Variants in EPHA5 observed in about 807,000 individuals in gnomAD.
EPHA5 encodes EPH receptor A5.
EPHA5 carries 60 observed loss-of-function variants against 105.0 expected under a neutral mutation model. That is an observed-to-expected ratio of 0.57 (90% CI 0.46 to 0.71). The LOEUF (loss-of-function observed/expected upper bound fraction) is 0.71. Among genes scored for constraint, EPHA5 ranks in the 30% least tolerant of loss-of-function variants. The probability of loss-of-function intolerance (pLI) is 0.00; values close to 1 mark genes in which losing one functional copy is unlikely to be tolerated. For missense variants in EPHA5, 1,218 were observed against 1,274.7 expected (o/e 0.96, Z 0.68); for synonymous variants, 513 against 449.1 (o/e 1.14, Z -1.80).
intron 8 of EPHA5, among the ~76,000 whole-genome samples, chr4:65,385,478 C>A (rs72640289): frequency 0.14 from 20,821 of 151,854 alleles, 1,691 homozygotes; most frequent in East Asian, 0.31. Context: ...GATAATTGAA[C>A]ATACTCTAGA....
intron 5 of EPHA5, among the ~76,000 whole-genome samples, chr4:65,437,025 A>G (rs1370157911): frequency 6.6e-6 from 1 of 152,086 alleles, no homozygotes; most frequent in African/African-American, 2.4e-5. Context: ...TTTTATAAGT[A>G]TGCCTAAAGA....
chr4:65,645,645 T>G (rs1748053664), intron 1 of EPHA5, among the ~76,000 whole-genome samples: 1 of 151,938 alleles, frequency 6.6e-6, no homozygotes, highest in South Asian at 2.1e-4. Context: ...AATATGTATG[T>G]GTTGGACAAA....
chr4:65,519,817 C>G (rs939113767), intron 3 of EPHA5, among the ~76,000 whole-genome samples: 9 of 152,104 alleles, frequency 5.9e-5, no homozygotes, highest in African/African-American at 2.2e-4. Flanking sequence ...ATCCAACTTA[C>G]AAGTGATGTG....
chr4:65,569,570 TA>T (rs1179048059), intron 3 of EPHA5, among the ~76,000 whole-genome samples: 1 of 151,680 alleles, frequency 6.6e-6, no homozygotes, highest in Non-Finnish European at 1.5e-5. Flanking sequence ...TAAAAGACAT[TA>T]AAAGAAGATG....
chr4:65,396,237 C>T (rs1578009039), intron 8 of EPHA5, among the ~76,000 whole-genome samples: 5 of 152,314 alleles, frequency 3.3e-5, no homozygotes, highest in African/African-American at 1.2e-4. Flanking sequence ...GCTGACACAC[C>T]AACCCCCTGC....
At chr4:65,605,299 A>G (rs1314639091) in intron 2 of EPHA5, among the ~76,000 whole-genome samples, 2 of 152,124 alleles carry the variant, frequency 1.3e-5, no homozygotes, top group East Asian at 1.9e-4. Context: ...TTTCATAACC[A>G]TATGTGTATC....
intron 2 of EPHA5, among the ~76,000 whole-genome samples, chr4:65,614,247 A>G (rs1291086005): frequency 6.6e-6 from 1 of 151,862 alleles, no homozygotes; most frequent in Admixed American, 6.6e-5. Context: ...TTAATATTAA[A>G]ACAAGCTGTT....
At chr4:65,567,195 C>T (rs1441368323) in intron 3 of EPHA5, among the ~76,000 whole-genome samples, 1 of 151,546 alleles carries the variant, frequency 6.6e-6, no homozygotes, top group East Asian at 1.9e-4. Context: ...GTTGGTTTTT[C>T]AAATTATTTT....
chr4:65,361,443 G>C (rs1249038195), intron 11 of EPHA5, among the ~76,000 whole-genome samples: 1 of 151,606 alleles, frequency 6.6e-6, no homozygotes, highest in Non-Finnish European at 1.5e-5. Context: ...TGATTTGTTT[G>C]CTTGACTGCT....
chr4:65,579,050 T>C (rs1741345005), intron 3 of EPHA5, among the ~76,000 whole-genome samples: 1 of 151,994 alleles, frequency 6.6e-6, no homozygotes, highest in Admixed American at 6.6e-5. Context: ...TTCAAAATGT[T>C]AATCTAAAAT....
intron 11 of EPHA5, among the ~76,000 whole-genome samples, chr4:65,359,096 T>C (rs1723578478): frequency 1.3e-5 from 2 of 151,606 alleles, no homozygotes; most frequent in African/African-American, 2.4e-5. Context: ...TTACTAACTG[T>C]CAATCTGCAA....
At chr4:65,383,454 A>G (rs981400801) in intron 8 of EPHA5, among the ~76,000 whole-genome samples, 2 of 151,802 alleles carry the variant, frequency 1.3e-5, no homozygotes, top group Non-Finnish European at 2.9e-5. Flanking sequence ...CACTGCTACC[A>G]CCATTATCAC....
At chr4:65,425,317 A>G (rs1400868750) in intron 5 of EPHA5, among the ~76,000 whole-genome samples, 1 of 152,118 alleles carries the variant, frequency 6.6e-6, no homozygotes, top group Non-Finnish European at 1.5e-5. Context: ...ATGAACTGTC[A>G]GTATCTGCCA....
At chr4:65,428,175 T>G (rs1301320360) in intron 5 of EPHA5, among the ~76,000 whole-genome samples, 3 of 152,086 alleles carry the variant, frequency 2.0e-5, no homozygotes, top group Non-Finnish European at 2.9e-5. Flanking sequence ...CTAAATTTCC[T>G]AAAGTAAATG....
At chr4:65,421,806 T>G (rs1560519941) in intron 5 of EPHA5, among the ~76,000 whole-genome samples, 1 of 152,130 alleles carries the variant, frequency 6.6e-6, no homozygotes, top group East Asian at 1.9e-4. Flanking sequence ...CATATAGAAA[T>G]TTAATGAATA....
chr4:65,465,436 T>C (rs1728524613), intron 5 of EPHA5, among the ~76,000 whole-genome samples: 1 of 25,082 alleles, frequency 4.0e-5, no homozygotes, highest in Non-Finnish European at 8.4e-5. Context: ...CCCACCCCTC[T>C]AAAGAAAGAA....
At chr4:65,590,312 G>A (rs6854088) in intron 3 of EPHA5, among the ~76,000 whole-genome samples, 75,827 of 151,960 alleles carry the variant, frequency 0.5, 20,314 homozygotes, top group Middle Eastern at 0.65. Flanking sequence ...CTGGTCAGCC[G>A]TAAATGCAGA....
At chr4:65,334,296 T>C (rs1333857918) in intron 15 of EPHA5, among the ~76,000 whole-genome samples, 1 of 151,996 alleles carries the variant, frequency 6.6e-6, no homozygotes, top group Non-Finnish European at 1.5e-5. Context: ...ATGAATATGT[T>C]ATAGTGATTT....
chr4:65,473,795 G>A (rs1481620635), intron 5 of EPHA5, among the ~76,000 whole-genome samples: 1 of 151,952 alleles, frequency 6.6e-6, no homozygotes, highest in East Asian at 1.9e-4. Flanking sequence ...CACCCAAGTA[G>A]TGATCATAGT....
Sources: gnomAD v4.1 joint callset for allele counts (sites outside exome capture counted in the v4.1 genomes callset) on GRCh38, gnomAD v4.1.1 for gene constraint, MANE v1.5 for transcripts, NCBI Gene and HGNC (gene_info 2026-07-23, HGNC 2026-07-21) for gene names.